MEOX1: variants seen among roughly 807,000 people sequenced by gnomAD.
MEOX1 encodes mesenchyme homeobox 1.
MEOX1 carries 17 observed loss-of-function variants against 23.2 expected under a neutral mutation model. The ratio of observed to expected loss-of-function variants is 0.73; its 90% CI spans 0.50 to 1.10. The LOEUF (loss-of-function observed/expected upper bound fraction) is 1.10. MEOX1 is among the 50% of genes least tolerant of loss of function. The pLI is 0.00. For synonymous variants in MEOX1, 134 were observed against 135.1 expected, an observed-to-expected ratio of 0.99 and a Z score of 0.06; for missense variants, 333 against 332.2, an observed-to-expected ratio of 1.00 and a Z score of -0.02.
At chr17:43,645,412 C>T (rs1352541028) in intron 1 of MEOX1, among the ~76,000 whole-genome samples, 2 of 152,060 alleles carry the variant, frequency 1.3e-5, no homozygotes, top group Non-Finnish European at 1.5e-5. Context: ...CTCCTGACCT[C>T]GTGATCTGCC....
At chr17:43,650,782 G>A (rs939786215) in intron 1 of MEOX1, among the ~76,000 whole-genome samples, 1 of 152,148 alleles carries the variant, frequency 6.6e-6, no homozygotes, top group Non-Finnish European at 1.5e-5. Context: ...GTCAAAGCCC[G>A]TCGAAATAGA....
At chr17:43,647,170 C>G (rs1972829117) in intron 1 of MEOX1, among the ~76,000 whole-genome samples, 2 of 152,036 alleles carry the variant, frequency 1.3e-5, no homozygotes, top group Non-Finnish European at 2.9e-5. Flanking sequence ...CTGTTCTTAC[C>G]CCCTTTAGCA....
rs747985182 is a variant in MEOX1 at position 43,643,441 on chromosome 17, A to G, written c.642+47T>C. On this transcript the variant is annotated intron_variant, in intron 2 of 2. Coordinates refer to ENST00000318579, the MANE Select transcript of MEOX1 (RefSeq NM_004527.4). ...GGGGTGGTGGGAAAGGAGGGAAGGG[A>G]GGGAGATGAGAGAGCAAAGAAGAGG... 6.1e-6 allele frequency: 9 copies of G among 1,486,990 alleles called. No individual in the cohort carries two copies. The Admixed American group carries it at 6.3e-5, about 10-fold the overall frequency. 92.1% of individuals were successfully genotyped at this position (1,486,990 alleles called of 1,614,324 possible). A position where few individuals can be genotyped will look rare whatever the true frequency, so the allele number is the denominator to read the frequency against.
intron 1 of MEOX1, among the ~76,000 whole-genome samples, chr17:43,652,045 T>C (rs1166115575): frequency 6.6e-6 from 1 of 152,162 alleles, no homozygotes; most frequent in African/African-American, 2.4e-5. Context: ...GGGTCCTGCT[T>C]TGGGCTCTGA....
At position 43,641,665 on chromosome 17, in the gene MEOX1, CTCTG is replaced by C; in HGVS notation, c.*241_*244del. On this transcript the variant is annotated 3_prime_UTR_variant, in exon 3 of 3. Transcript: ENST00000318579. ...CCAGATTCATCCGGCCCGGTAGGATCTCTGTCTGATTCCATGAGAGTGTGGGAGC... is the reference window on the plus strand; with the variant it reads ...CCAGATTCATCCGGCCCGGTAGGATCTCTGATTCCATGAGAGTGTGGGAGC... 4.6e-6 allele frequency: 2 copies of C among 431,024 alleles called. No individual in the cohort carries two copies. Among genetic ancestry groups the C allele is most frequent in the Non-Finnish European group, 8.3e-6 (2 of 242,052 alleles). The allele number at this position is 431,024 out of a possible 1,614,324, so 26.7% of individuals were successfully genotyped here.
intron 1 of MEOX1, among the ~76,000 whole-genome samples, chr17:43,655,892 G>C (rs186807808): frequency 2.7e-4 from 41 of 152,236 alleles, no homozygotes; most frequent in Non-Finnish European, 5.4e-4. Flanking sequence ...TGGAGATAGA[G>C]TTTCGGTTTT....
At position 43,661,370 on chromosome 17, in the gene MEOX1, C is replaced by T. The variant is rs770584735; in HGVS notation, c.165G>A (p.Ala55=). ...FHQKPDFLAT[A]TAAYPDFSAS... is the part of the protein sequence containing the mutation. ...CTGAGAAGTCAGGGTACGCTGCCGT[C>T]GCTGTCGCCAGGAAGTCTGGTTTCT... The change falls in exon 1 of 3, where the codon GCG becomes GCA. Residue 55 remains alanine, a synonymous_variant. Transcript: ENST00000318579. 16 of 1,602,958 alleles carry T rather than the reference C, an allele frequency of 1.0e-5. No individual in the cohort carries two copies. The highest frequency in any genetic ancestry group is 4.0e-5 in the African/African-American group (3 of 74,352).
intron 2 of MEOX1, 96 bp downstream of exon 2, chr17:43,643,392 A>G (rs1598259202): frequency 5.6e-5 from 66 of 1,168,934 alleles, no homozygotes. Flanking sequence ...TGGCTGGAGG[A>G]AGAAAAAGGA....
Position 43,648,742 on chromosome 17 carries a change from T to C in MEOX1, c.470-5082A>G, listed in dbSNP as rs139597423. ...TGATGAAGTCTGAGGCTCTTCCAAC[T>C]TCACGTATTCTTGTCTCAGCTCCTA... On this transcript the variant is annotated intron_variant, in intron 1 of 2. Coordinates refer to ENST00000318579, the MANE Select transcript of MEOX1 (RefSeq NM_004527.4). Among the ~76,000 whole-genome samples, 3 of 152,284 alleles carry C rather than the reference T, an allele frequency of 2.0e-5. No individual in the cohort carries two copies. In the East Asian group the frequency reaches 5.8e-4, roughly 29 times the overall value.
At position 43,658,442 on chromosome 17, in the gene MEOX1, G is replaced by A. The variant is rs73310523; in HGVS notation, c.469+2624C>T. Among the ~76,000 whole-genome samples the A allele has an allele frequency of 5.5e-3, 835 of 150,970 alleles. 7 individuals carry two copies. The highest frequency in any genetic ancestry group is 0.019 in the African/African-American group (778 of 41,268). ...GAATTGCTTGAACCCAAGGGGCAGA[G>A]GTTGCAGTGAATTGAAACTATGCCA... is the stretch of plus-strand genomic sequence containing the variant. On this transcript the variant is annotated intron_variant, in intron 1 of 2. Transcript: ENST00000318579.
At chr17:43,654,584 G>T (rs1972978337) in intron 1 of MEOX1, among the ~76,000 whole-genome samples, 1 of 152,118 alleles carries the variant, frequency 6.6e-6, no homozygotes, top group Non-Finnish European at 1.5e-5. Flanking sequence ...ACTTTGGAAG[G>T]CCGAGGCAGG....
At chr17:43,645,743 A>G (rs1474471846) in intron 1 of MEOX1, among the ~76,000 whole-genome samples, 2 of 151,868 alleles carry the variant, frequency 1.3e-5, no homozygotes, top group Non-Finnish European at 2.9e-5. Flanking sequence ...CGAGGCAGGA[A>G]CCCCACATTA....
At chr17:43,655,085 A>G (rs1011493142) in intron 1 of MEOX1, among the ~76,000 whole-genome samples, 1 of 152,016 alleles carries the variant, frequency 6.6e-6, no homozygotes, top group Non-Finnish European at 1.5e-5. Context: ...TACACTCTCC[A>G]GGAGGTATTT....
At chr17:43,645,983 A>T (rs1038741256) in intron 1 of MEOX1, among the ~76,000 whole-genome samples, 4 of 152,108 alleles carry the variant, frequency 2.6e-5, no homozygotes, top group African/African-American at 9.7e-5. Flanking sequence ...ATGGAAGGGG[A>T]GTGGGTGCCA....
At chr17:43,661,009 G>A (rs890383710) in intron 1 of MEOX1, 57 bp downstream of exon 1, 1 of 1,193,860 alleles carries the variant, frequency 8.4e-7, no homozygotes, top group African/African-American at 1.6e-5. Context: ...GAGAGGGTGA[G>A]TAACTTCCCC....
At chr17:43,645,169 A>ATATTTTT (rs1567742598) in intron 1 of MEOX1, among the ~76,000 whole-genome samples, 4 of 129,714 alleles carry the variant, frequency 3.1e-5, no homozygotes, top group Admixed American at 7.6e-5. Context: ...TTCATTAATT[A>ATATTTTT]TCTTTTTTTT....
chr17:43,661,352 G>A lies in MEOX1; in HGVS notation c.183C>T (p.Asp61=), dbSNP rs754292133. ...FLATATAAYP[D]FSASCLAATP... The stretch of plus-strand genomic sequence containing the variant: ...TGGCTGCCAGGCAGGAGGCTGAGAA[G>A]TCAGGGTACGCTGCCGTCGCTGTCG... The change falls in exon 1 of 3, where the codon GAC becomes GAT. Residue 61 remains aspartate (D), a synonymous_variant. Transcript: ENST00000318579. 5 of 1,613,784 alleles carry A rather than the reference G, an allele frequency of 3.1e-6. No individual in the cohort carries two copies. In the South Asian group the frequency reaches 4.4e-5, roughly 14 times the overall value.
At position 43,652,317 on chromosome 17, in the gene MEOX1, C is replaced by T. The variant is rs565627641; in HGVS notation, c.470-8657G>A. ...TAGCATCGTCAGAGTCAGGCAGGCC[C>T]GGCTGACAGCAGGGGGCAAAGACTT... On this transcript the variant is annotated intron_variant, in intron 1 of 2. Transcript: ENST00000318579. Among the ~76,000 whole-genome samples the T allele has an allele frequency of 5.3e-5, 8 of 152,202 alleles. No individual in the cohort carries two copies. The South Asian group carries it at 8.3e-4, about 16-fold the overall frequency.
chr17:43,657,012 C>CTCTCTCTTTCTT (rs1555567819), intron 1 of MEOX1, among the ~76,000 whole-genome samples: 1 of 105,086 alleles, frequency 9.5e-6, no homozygotes. Context: ...TTCTTTCTTT[C>CTCTCTCTTTCTT]TCTTTCTTTC....
Sources: allele counts gnomAD v4.1 joint callset (sites outside exome capture counted in the v4.1 genomes callset), GRCh38; gene constraint gnomAD v4.1.1; transcripts MANE v1.5; gene names NCBI Gene and HGNC (gene_info 2026-07-23, HGNC 2026-07-21).